TBC1D21: variants seen among roughly 807,000 people sequenced by gnomAD.
TBC1D21 encodes the protein TBC1 domain family member 21, also known as male germ cell Rab GTPase-activating protein.
In TBC1D21, 38 loss-of-function variants were observed where a neutral mutation model predicts 46.0. The ratio of observed to expected loss-of-function variants is 0.83; its 90% CI spans 0.64 to 1.08. The LOEUF (loss-of-function observed/expected upper bound fraction) is 1.08, where lower values mean the gene tolerates loss of function less well. Among genes scored for constraint, TBC1D21 ranks in the 50% least tolerant of loss-of-function variants. The pLI, the probability that TBC1D21 is intolerant of heterozygous loss-of-function variation, is 0.00. For missense variants in TBC1D21, 415 were observed against 417.9 expected (o/e 0.99, Z 0.06); for synonymous variants, 151 against 157.2 (o/e 0.96, Z 0.29).
the TBC1D21 span, among the ~76,000 whole-genome samples, chr15:73,898,880 A>AAAAAAAATATATATAT: frequency 7.0e-5 from 4 of 56,790 alleles, no homozygotes; most frequent in Non-Finnish European, 1.1e-4. Flanking sequence ...AAAAAAAAAA[A>AAAAAAAATATATATAT]ATATATATAT....
intron 10 of TBC1D21, 129 bp downstream of exon 10, chr15:73,888,642 T>C (rs1234237104): frequency 3.0e-5 from 20 of 677,488 alleles, no homozygotes; most frequent in African/African-American, 1.9e-5. Flanking sequence ...CCTCCTCTTC[T>C]TCTTCCTCCT....
rs1345014237 is a variant in TBC1D21, at chr15:73,886,492, C to CT, written c.677-19dup. 1 of 1,610,038 alleles carries CT rather than the reference C, an allele frequency of 6.2e-7. No individual in the cohort carries two copies. Among genetic ancestry groups the CT allele is most frequent in the African/African-American group, 1.3e-5 (1 of 74,866 alleles). On this transcript the variant is annotated intron_variant, in intron 7 of 10. Coordinates refer to ENST00000300504, the MANE Select transcript of TBC1D21 (RefSeq NM_153356.3). ...ATATGTGTTTTCCCCTGACCACAGCCTCACCTTCTCTCCCCACAGAAGGGA... is the reference window on the plus strand; with the variant it reads ...ATATGTGTTTTCCCCTGACCACAGCCTTCACCTTCTCTCCCCACAGAAGGGA...
At chr15:73,877,924 A>G (rs1213731676) in intron 1 of TBC1D21, among the ~76,000 whole-genome samples, 1 of 152,242 alleles carries the variant, frequency 6.6e-6, no homozygotes, top group African/African-American at 2.4e-5. Flanking sequence ...CTTCAACCTG[A>G]TAAAAGGCAT....
At chr15:73,890,977 G>A (rs1020997223), downstream of TBC1D21, among the ~76,000 whole-genome samples, 1 of 152,120 alleles carries the variant, frequency 6.6e-6, no homozygotes, top group East Asian at 1.9e-4. Flanking sequence ...TCTTAAGGAC[G>A]AGGTGGATTC....
chr15:73,892,962 G>A (rs528054046), downstream of TBC1D21, among the ~76,000 whole-genome samples: 5 of 152,306 alleles, frequency 3.3e-5, no homozygotes, highest in East Asian at 5.8e-4. Flanking sequence ...ATTATATGGC[G>A]GTGTTGGTGG....
At chr15:73,885,570 G>A (rs982869262) in intron 6 of TBC1D21, among the ~76,000 whole-genome samples, 8 of 152,060 alleles carry the variant, frequency 5.3e-5, no homozygotes, top group Non-Finnish European at 1.2e-4. Flanking sequence ...CACTGTCCAA[G>A]TTGAGGGGTT....
downstream of TBC1D21, among the ~76,000 whole-genome samples, chr15:73,890,114 T>C (rs919043146): frequency 3.9e-5 from 6 of 152,178 alleles, no homozygotes; most frequent in African/African-American, 1.2e-4. Flanking sequence ...AGGGATCCCT[T>C]GCTTTTGCTG....
the TBC1D21 span, among the ~76,000 whole-genome samples, chr15:73,895,803 G>T: frequency 6.6e-6 from 1 of 152,190 alleles, no homozygotes; most frequent in South Asian, 2.1e-4. Flanking sequence ...CAAGAGGAGG[G>T]ATTGTTCGGA....
the TBC1D21 span, chr15:73,908,421 C>T: frequency 6.6e-6 from 1 of 152,346 alleles, no homozygotes; most frequent in East Asian, 1.9e-4. Context: ...TCAGCGCTCT[C>T]CTTCTGGGCC....
At chr15:73,901,146 G>A in the TBC1D21 span, among the ~76,000 whole-genome samples, 5,272 of 152,250 alleles carry the variant, frequency 0.035, 325 homozygotes, top group African/African-American at 0.12. Context: ...CTGTGCCTCC[G>A]AGGCCTGCTT....
rs752727646 is a variant in TBC1D21 at position 73,888,552 on chromosome 15, CTCCTCCTCCTCT to C, written c.978+51_978+62del. ...ATGATGTGTCCTCCTCCTCCTCTTCCTCCTCCTCCTCTTCCTCCTCCTCCTCCTCTTCCTCCT... is the reference window on the plus strand; with the variant it reads ...ATGATGTGTCCTCCTCCTCCTCTTCCTCCTCCTCCTCCTCCTCTTCCTCCT... On this transcript the variant is annotated intron_variant, in intron 10 of 10. Coordinates refer to ENST00000300504, the MANE Select transcript of TBC1D21 (RefSeq NM_153356.3). 5.1e-5 allele frequency: 69 copies of C among 1,348,070 alleles called. 1 individual carries two copies. The South Asian group carries it at 6.2e-4, about 12-fold the overall frequency. 83.5% of individuals were successfully genotyped at this position (1,348,070 alleles called of 1,614,324 possible).
chr15:73,897,837 C>T, the TBC1D21 span, among the ~76,000 whole-genome samples: 1 of 152,242 alleles, frequency 6.6e-6, no homozygotes, highest in African/African-American at 2.4e-5. Flanking sequence ...GGGGAAGGAG[C>T]CTGGGACCAG....
chr15:73,885,815 TACACACACAC>T (rs3057447), intron 6 of TBC1D21, among the ~76,000 whole-genome samples: 1 of 148,048 alleles, frequency 6.8e-6, no homozygotes, highest in African/African-American at 2.5e-5. Context: ...TACACACACA[TACACACACAC>T]ACACACACAC....
the TBC1D21 span, among the ~76,000 whole-genome samples, chr15:73,907,238 G>A: frequency 4.6e-5 from 7 of 152,160 alleles, no homozygotes; most frequent in Admixed American, 6.5e-5. Context: ...TCTTTGACTC[G>A]TAGAAATCAG....
the TBC1D21 span, among the ~76,000 whole-genome samples, chr15:73,901,171 G>A: frequency 6.6e-6 from 1 of 152,210 alleles, no homozygotes; most frequent in African/African-American, 2.4e-5. Flanking sequence ...ACCAAGGTGA[G>A]CATGGCCGAG....
intron 5 of TBC1D21, 21 bp downstream of exon 5, chr15:73,884,912 G>C: frequency 2.5e-6 from 4 of 1,612,086 alleles, no homozygotes; most frequent in Non-Finnish European, 3.4e-6. Flanking sequence ...GCCTCCCCTT[G>C]TCAATGCCCT....
chr15:73,876,629 T>C (rs1595817553), intron 1 of TBC1D21, among the ~76,000 whole-genome samples: 1 of 152,198 alleles, frequency 6.6e-6, no homozygotes, highest in African/African-American at 2.4e-5. Context: ...GAAATGCAAA[T>C]TCTCTGAATA....
chr15:73,906,066 C>T, the TBC1D21 span, among the ~76,000 whole-genome samples: 2 of 152,228 alleles, frequency 1.3e-5, no homozygotes, highest in Admixed American at 1.3e-4. Flanking sequence ...ATGGGCATGT[C>T]TGCTGGGCTT....
intron 8 of TBC1D21, 124 bp downstream of exon 8, chr15:73,886,736 GT>G: frequency 1.1e-6 from 1 of 872,312 alleles, no homozygotes. Flanking sequence ...TCGGGGTTTT[GT>G]TAGGTCAGCA....
Sources: allele counts gnomAD v4.1 joint callset (sites outside exome capture counted in the v4.1 genomes callset), GRCh38; gene constraint gnomAD v4.1.1; transcripts MANE v1.5; gene names NCBI Gene and HGNC (gene_info 2026-07-23, HGNC 2026-07-21).